SF1: variants seen among roughly 807,000 people sequenced by gnomAD.
SF1 encodes splicing factor 1.
A neutral mutation model predicts 62.5 loss-of-function variants in SF1; 7 were observed. The observed-to-expected ratio is 0.11, with a 90% CI of 0.06 to 0.21. The LOEUF (loss-of-function observed/expected upper bound fraction) is 0.21. SF1 is among the 10% of genes least tolerant of loss of function. The probability of loss-of-function intolerance (pLI) is 1.00; values close to 1 mark genes in which losing one functional copy is unlikely to be tolerated. For missense variants in SF1, 578 were observed against 884.0 expected, an observed-to-expected ratio of 0.65 and a Z score of 4.39; for synonymous variants, 394 against 323.6, an observed-to-expected ratio of 1.22 and a Z score of -2.33.
chr11:64,771,328 A>AT lies in SF1; in HGVS notation c.237-921dup, dbSNP rs1471194590. ...AAAAAAGAGAGGTTACACTCCTAGA[A>AT]TTTTGAGTTAAGATTACAAAAAGGA... On this transcript the variant is annotated intron_variant, in intron 3 of 12. Transcript: ENST00000377390. 14 of 478,746 alleles carry AT rather than the reference A, an allele frequency of 2.9e-5. No homozygotes were observed. In the African/African-American group the frequency reaches 3.0e-4, roughly 10 times the overall value. The allele number at this position is 478,746 out of a possible 1,614,324, so 29.7% of individuals were successfully genotyped here. A position where few individuals can be genotyped will look rare whatever the true frequency, so the allele number is the denominator to read the frequency against.
intron 3 of SF1, chr11:64,771,842 C>G: frequency 2.0e-6 from 2 of 985,306 alleles, no homozygotes; most frequent in Non-Finnish European, 2.4e-6. Context: ...TTAAGAAAAC[C>G]CATGCATTTC....
chr11:64,772,873 C>T (rs1413592980), intron 3 of SF1: 1 of 985,686 alleles, frequency 1.0e-6, no homozygotes, highest in Non-Finnish European at 1.2e-6. Context: ...TGGCCCCTCC[C>T]AACACCCCCA....
chr11:64,777,299 A>G (rs1592534958), intron 1 of SF1, among the ~76,000 whole-genome samples: 2 of 152,094 alleles, frequency 1.3e-5, no homozygotes, highest in South Asian at 2.1e-4. Context: ...AACTCCCTAC[A>G]TTTGCCACAA....
At chr11:64,775,479 T>C (rs578081196) in intron 2 of SF1, among the ~76,000 whole-genome samples, 2 of 152,142 alleles carry the variant, frequency 1.3e-5, no homozygotes, top group African/African-American at 4.8e-5. Flanking sequence ...CAAGTATTAG[T>C]AGTACTGTGA....
At chr11:64,773,047 G>A in intron 3 of SF1, 5 of 1,061,410 alleles carry the variant, frequency 4.7e-6, no homozygotes, top group Non-Finnish European at 5.7e-6. Flanking sequence ...AATATTTTTA[G>A]TCCCTGCACT....
In SF1 at chr11:64,778,350, G is replaced by C. The variant is rs1000209348; in HGVS notation, c.31+12C>G. 1.6e-6 allele frequency: 2 copies of C among 1,226,888 alleles called. No individual in the cohort carries two copies. The highest frequency in any genetic ancestry group is 2.0e-6 in the Non-Finnish European group (2 of 984,002). 76.0% of individuals were successfully genotyped at this position (1,226,888 alleles called of 1,614,324 possible). Reference sequence around the variant, plus strand: ...CCGGGGAGCGGGGGCAGCCCGGGGGGGCCCAGCTTACCCAACGGCGTGGCG... The same window carrying C: ...CCGGGGAGCGGGGGCAGCCCGGGGGCGCCCAGCTTACCCAACGGCGTGGCG... On this transcript the variant is annotated intron_variant, in intron 1 of 12. Transcript: ENST00000377390.
Position 64,778,513 on chromosome 11 carries a change from C to G in SF1, c.-121G>C. The G allele has an allele frequency of 8.7e-7, 1 of 1,155,832 alleles. No individual in the cohort carries two copies. 71.6% of individuals were successfully genotyped at this position (1,155,832 alleles called of 1,614,324 possible). Reference sequence around the variant, plus strand: ...GGAGCGCGCGGAGCCCGTCCTCTCACGCGGCGGGCGGCGGCGGCGCGAGAC... The same window carrying G: ...GGAGCGCGCGGAGCCCGTCCTCTCAGGCGGCGGGCGGCGGCGGCGCGAGAC... On this transcript the variant is annotated 5_prime_UTR_variant, in exon 1 of 13. Transcript: ENST00000377390.
chr11:64,778,513 C>CGCGGCGGGCG lies in SF1; in HGVS notation c.-131_-122dup. 1 of 1,155,832 alleles carries CGCGGCGGGCG rather than the reference C, an allele frequency of 8.7e-7. No individual in the cohort carries two copies. Among genetic ancestry groups the CGCGGCGGGCG allele is most frequent in the Non-Finnish European group, 1.1e-6 (1 of 939,594 alleles). The allele number at this position is 1,155,832 out of a possible 1,614,324, so 71.6% of individuals were successfully genotyped here. ...GGAGCGCGCGGAGCCCGTCCTCTCA[C>CGCGGCGGGCG]GCGGCGGGCGGCGGCGGCGCGAGAC... is the stretch of plus-strand genomic sequence containing the variant. On this transcript the variant is annotated 5_prime_UTR_variant, in exon 1 of 13. Coordinates refer to ENST00000377390, the MANE Select transcript of SF1 (RefSeq NM_004630.4).
Position 64,778,405 on chromosome 11 carries a change from GACAGGC to G in SF1, c.-19_-14del, listed in dbSNP as rs1024972451. 2 of 1,227,978 alleles carry G rather than the reference GACAGGC, an allele frequency of 1.6e-6. No individual in the cohort carries two copies. Among genetic ancestry groups the G allele is most frequent in the African/African-American group, 3.1e-5 (2 of 63,988 alleles). 76.1% of individuals were successfully genotyped at this position (1,227,978 alleles called of 1,614,324 possible). ...CTCCGGTCGCCATGGCGCCCCCGGG[GACAGGC>G]ACCGGCACCTGCTTTTCCTCTGCGG... is the stretch of plus-strand genomic sequence containing the variant. On this transcript the variant is annotated 5_prime_UTR_variant, in exon 1 of 13. Transcript: ENST00000377390.
At chr11:64,766,191 G>GT in intron 12 of SF1, 36 bp from the exon 13 acceptor site, 2 of 1,578,646 alleles carry the variant, frequency 1.3e-6, no homozygotes, top group Non-Finnish European at 1.7e-6. Flanking sequence ...CACACGCGCG[G>GT]GGGCACACCG....
At chr11:64,776,841 G>C (rs982104281) in intron 1 of SF1, among the ~76,000 whole-genome samples, 1 of 152,196 alleles carries the variant, frequency 6.6e-6, no homozygotes, top group Non-Finnish European at 1.5e-5. Context: ...GGTCAGGCAA[G>C]TTAACATTTC....
chr11:64,776,245 G>A (rs1939223585), intron 2 of SF1: 2 of 418,362 alleles, frequency 4.8e-6, no homozygotes, highest in Admixed American at 4.1e-5. Flanking sequence ...CTGGACTGGG[G>A]ACTGTTCTTA....
rs767042849 is a variant in SF1, at chr11:64,767,738, C to G, written c.1175G>C (p.Gly392Ala). The change falls in exon 10 of 13, where the codon GGT becomes GCT. Residue 392 changes from glycine (G) to alanine (A), a missense_variant. By Grantham distance (60) the Gly-to-Ala change is moderately conservative. Transcript: ENST00000377390. The part of the protein sequence containing the change: ...MHGGGPGGPG[G>A]GPHSFPHPLP... ...TGGGTGTGGGAAGCTGTGGGGGCCACCTCCGGGCCCACCAGGACCACCTCC... is the reference window on the plus strand; with the variant it reads ...TGGGTGTGGGAAGCTGTGGGGGCCAGCTCCGGGCCCACCAGGACCACCTCC... 6 of 1,613,018 alleles carry G rather than the reference C, an allele frequency of 3.7e-6. No homozygotes were observed. The highest frequency in any genetic ancestry group is 1.7e-5 in the Admixed American group (1 of 59,748).
chr11:64,772,281 A>C (rs966709849), intron 3 of SF1: 2 of 985,178 alleles, frequency 2.0e-6, no homozygotes, highest in Non-Finnish European at 2.4e-6. Context: ...AAAGGCCAAA[A>C]AGGCACTAAA....
chr11:64,778,540 C>A lies in SF1; in HGVS notation c.-148G>T. 8.5e-7 allele frequency: 1 copy of A among 1,183,354 alleles called. No homozygotes were observed. Among genetic ancestry groups the A allele is most frequent in the African/African-American group, 1.6e-5 (1 of 62,038 alleles). The allele number at this position is 1,183,354 out of a possible 1,614,324, so 73.3% of individuals were successfully genotyped here. A position where few individuals can be genotyped will look rare whatever the true frequency, so the allele number is the denominator to read the frequency against. ...CGGCGGGCGGCGGCGGCGCGAGACG[C>A]ACAAAGAGGGAGGAGAGAGGGCACC... On this transcript the variant is annotated 5_prime_UTR_variant, in exon 1 of 13. Coordinates refer to ENST00000377390, the MANE Select transcript of SF1 (RefSeq NM_004630.4).
intron 12 of SF1, 125 bp from the exon 13 acceptor site, chr11:64,766,280 GGCGGGTGGGCGGGGCTGGTGATGGGGA>G: frequency 3.0e-6 from 1 of 335,412 alleles, no homozygotes; most frequent in Admixed American, 4.2e-5. Flanking sequence ...GGTGGTGGGG[GGCGGGTGGGCGGGGCTGGTGATGGGGA>G]GTGGAGGGGT....
chr11:64,767,306 G>A (rs986463690), intron 10 of SF1, 55 bp from the exon 11 acceptor site: 3 of 1,550,998 alleles, frequency 1.9e-6, no homozygotes, highest in African/African-American at 2.7e-5. Context: ...GGCCAGGGAA[G>A]CCACCCCTGT....
Position 64,769,418 on chromosome 11 carries a change from C to T in SF1, c.663+8G>A, listed in dbSNP as rs757136423. The T allele has an allele frequency of 3.1e-6, 5 of 1,613,986 alleles. No individual in the cohort carries two copies. The highest frequency in any genetic ancestry group is 2.2e-5 in the East Asian group (1 of 44,896). ...CTAGGAGGCTTCCTTTCTGGGCTCA[C>T]CGCTCACCTGTTCCACTGCCTTTTT... is the stretch of plus-strand genomic sequence containing the variant. On this transcript the variant is annotated splice_region_variant and intron_variant, in intron 6 of 12. Coordinates refer to ENST00000377390, the MANE Select transcript of SF1 (RefSeq NM_004630.4).
At position 64,769,228 on chromosome 11, in the gene SF1, A is replaced by G. The variant is rs775380902; in HGVS notation, c.774T>C (p.Asp258=). The G allele has an allele frequency of 1.2e-6, 2 of 1,614,008 alleles. No homozygotes were observed. The highest frequency in any genetic ancestry group is 4.5e-5 in the East Asian group (2 of 44,888). The change falls in exon 7 of 13, where the codon GAT becomes GAC. Residue 258 remains aspartate (D), a synonymous_variant. Coordinates refer to ENST00000377390, the MANE Select transcript of SF1 (RefSeq NM_004630.4). The part of the protein sequence containing the change: ...ARLNGTLRED[D]NRILRPWQSS... The stretch of plus-strand genomic sequence containing the variant: ...CCTTTAAACTGATCACATACCTGTT[A>G]TCGTCTTCCCGAAGGGTCCCATTTA...
Sources: gnomAD v4.1 joint callset for allele counts (sites outside exome capture counted in the v4.1 genomes callset) on GRCh38, gnomAD v4.1.1 for gene constraint, MANE v1.5 for transcripts, NCBI Gene and HGNC (gene_info 2026-07-23, HGNC 2026-07-21) for gene names.